Variants in RAB40A observed in about 807,000 individuals in gnomAD.
RAB40A encodes the protein RAB40A, member RAS oncogene family, also known as ras-related protein Rab-40A.
For missense variants in RAB40A, 145 were observed against 230.2 expected (o/e 0.63, Z 2.40); for synonymous variants, 65 against 99.9 (o/e 0.65, Z 2.08).
intron 2 of RAB40A, chrX:103,502,140 A>G (rs2073231577): frequency 8.1e-6 from 1 of 123,531 alleles, no homozygotes; most frequent in South Asian, 3.7e-4. Context: ...AAATCTTTTT[A>G]AAAAGGAAAA....
chrX:103,502,194 A>G (rs554673866), intron 2 of RAB40A: 24 of 122,925 alleles, frequency 2.0e-4, no homozygotes, highest in East Asian at 2.8e-4. Context: ...AACAAACGTG[A>G]ATAAAGGATA....
At chrX:103,503,220 G>A in intron 2 of RAB40A, 1 of 753,800 alleles carries the variant, frequency 1.3e-6, no homozygotes, top group Non-Finnish European at 1.6e-6. Context: ...GCCAGGGCAT[G>A]AAACACCAGG....
At chrX:103,513,146 G>C (rs1408592721) in intron 2 of RAB40A, among the ~76,000 whole-genome samples, 1 of 112,126 alleles carries the variant, frequency 8.9e-6, no homozygotes, top group African/African-American at 3.2e-5. Context: ...TCAACAGCCA[G>C]ATGACATTTC....
At position 103,500,451 on chromosome X, in the gene RAB40A, G is replaced by A; in HGVS notation, c.306C>T (p.Phe102=). The change falls in exon 3 of 3, where the codon TTC becomes TTT. Residue 102 remains phenylalanine, a synonymous_variant. Coordinates refer to ENST00000304236, the MANE Select transcript of RAB40A (RefSeq NM_080879.3). Reference sequence around the variant, plus strand: ...TCTTAATCCATCGATCCATACCCTCGAAAGACCAGCGGTTTGCAATGTCGT... The same window carrying A: ...TCTTAATCCATCGATCCATACCCTCAAAAGACCAGCGGTTTGCAATGTCGT... ...LVYDIANRWS[F]EGMDRWIKKI... 1.7e-6 allele frequency: 2 copies of A among 1,210,528 alleles called. No homozygotes were observed. Among genetic ancestry groups the A allele is most frequent in the Non-Finnish European group, 2.2e-6 (2 of 894,910 alleles).
At chrX:103,514,816 T>C (rs950800708) in intron 2 of RAB40A, among the ~76,000 whole-genome samples, 5 of 112,132 alleles carry the variant, frequency 4.5e-5, no homozygotes, top group African/African-American at 1.6e-4. Flanking sequence ...AATTTAGAAG[T>C]TGTGAAAAAT....
downstream of RAB40A, among the ~76,000 whole-genome samples, chrX:103,498,067 C>T (rs2073192084): frequency 8.9e-6 from 1 of 111,783 alleles, no homozygotes; most frequent in Admixed American, 9.5e-5. Flanking sequence ...TTCAGGATTC[C>T]AGTAAGGTGG....
At position 103,499,545 on chromosome X, in the gene RAB40A, AT is replaced by A; in HGVS notation, c.*377del. 3.9e-6 allele frequency: 1 copy of A among 254,968 alleles called. No individual in the cohort carries two copies. Among genetic ancestry groups the A allele is most frequent in the Non-Finnish European group, 7.1e-6 (1 of 141,105 alleles). The allele number at this position is 254,968 out of a possible 1,213,427, so 21.0% of individuals were successfully genotyped here. On this transcript the variant is annotated 3_prime_UTR_variant, in exon 3 of 3. Coordinates refer to ENST00000304236, the MANE Select transcript of RAB40A (RefSeq NM_080879.3). ...TTATCTCACTATCATTGCTTCTCAAATTTCCTTGAATTTATACTCATCATTG... is the reference window on the plus strand; with the variant it reads ...TTATCTCACTATCATTGCTTCTCAAATTCCTTGAATTTATACTCATCATTG...
intron 2 of RAB40A, among the ~76,000 whole-genome samples, chrX:103,505,985 A>AC (rs2073252717): frequency 8.9e-6 from 1 of 111,836 alleles, no homozygotes. Context: ...CTGCACTGTC[A>AC]CCTGTGTCAT....
chrX:103,509,289 A>ATCTCTC (rs373450734), intron 2 of RAB40A, among the ~76,000 whole-genome samples: 3 of 86,107 alleles, frequency 3.5e-5, no homozygotes, highest in South Asian at 6.2e-4. Flanking sequence ...CAGCCACAGG[A>ATCTCTC]TCTCTCTCTC....
rs377466263 is a variant in RAB40A at position 103,500,655 on chromosome X, C to T, written c.102G>A (p.Leu34=). Reference sequence around the variant, plus strand: ...ACGGGGACTCAGCTGCACCATCCTGCAGGCTCTCCAGGATCTCACTCTTGC... The same window carrying T: ...ACGGGGACTCAGCTGCACCATCCTGTAGGCTCTCCAGGATCTCACTCTTGC... The part of the protein sequence containing the change: ...DVGKSEILES[L]QDGAAESPYS... The change falls in exon 3 of 3, where the codon CTG becomes CTA. Residue 34 remains leucine (L), a synonymous_variant. Coordinates refer to ENST00000304236, the MANE Select transcript of RAB40A (RefSeq NM_080879.3). 278 of 1,208,286 alleles carry T rather than the reference C, an allele frequency of 2.3e-4. No homozygotes were observed. The highest frequency in any genetic ancestry group is 2.8e-4 in the Non-Finnish European group (254 of 894,698).
intron 2 of RAB40A, among the ~76,000 whole-genome samples, chrX:103,515,025 T>C (rs1489675881): frequency 8.9e-6 from 1 of 112,102 alleles, no homozygotes; most frequent in Non-Finnish European, 1.9e-5. Flanking sequence ...TATTAAATGA[T>C]TCCAAGTTCA....
At chrX:103,503,914 AATAGAAT>A (rs1301618048) in intron 2 of RAB40A, among the ~76,000 whole-genome samples, 1 of 111,990 alleles carries the variant, frequency 8.9e-6, no homozygotes, top group Non-Finnish European at 1.9e-5. Flanking sequence ...TTCACCATAA[AATAGAAT>A]ATAATGAATG....
intron 1 of RAB40A, 87 bp downstream of exon 1, chrX:103,519,283 A>C (rs2073330788): frequency 9.0e-6 from 1 of 111,686 alleles, no homozygotes; most frequent in Non-Finnish European, 1.9e-5. Context: ...GGTTTGCTGC[A>C]CCCATCAACC....
At position 103,502,371 on chromosome X, in the gene RAB40A, A is replaced by C. The variant is rs759024132; in HGVS notation, c.-70-1545T>G. ...CCTGATTGGAATAATGATCATAATC[A>C]TCGGTACCTTGAACAGCCGTTAGGA... On this transcript the variant is annotated intron_variant, in intron 2 of 2. Transcript: ENST00000304236. 2.4e-5 allele frequency: 3 copies of C among 123,609 alleles called. No individual in the cohort carries two copies. The South Asian group carries it at 1.1e-3, about 46-fold the overall frequency. 10.2% of individuals were successfully genotyped at this position (123,609 alleles called of 1,213,427 possible). A position where few individuals can be genotyped will look rare whatever the true frequency, so the allele number is the denominator to read the frequency against.
intron 2 of RAB40A, among the ~76,000 whole-genome samples, chrX:103,517,022 T>C (rs2073320310): frequency 9.0e-6 from 1 of 111,610 alleles, no homozygotes; most frequent in Admixed American, 9.5e-5. Flanking sequence ...TGACGTTATA[T>C]GCCAGGGTCT....
intron 2 of RAB40A, among the ~76,000 whole-genome samples, chrX:103,508,441 T>C (rs1270730365): frequency 8.9e-6 from 1 of 111,863 alleles, no homozygotes; most frequent in Non-Finnish European, 1.9e-5. Context: ...CTTACTGAGC[T>C]GTATGAGGGG....
chrX:103,495,806 A>G (rs1009913199), downstream of RAB40A, among the ~76,000 whole-genome samples: 2 of 111,750 alleles, frequency 1.8e-5, no homozygotes, highest in East Asian at 2.8e-4. Flanking sequence ...TTATGTAGGC[A>G]TATTTCTTTT....
At chrX:103,511,077 C>T (rs1444530576) in intron 2 of RAB40A, among the ~76,000 whole-genome samples, 1 of 111,979 alleles carries the variant, frequency 8.9e-6, no homozygotes, top group African/African-American at 3.3e-5. Flanking sequence ...CTTTGACATG[C>T]ACACGTATGT....
rs1312846073 is a variant in RAB40A, at chrX:103,500,794, G to A, written c.-38C>T. ...GCACTCCCGCCTGAGCCAGGCCCGC[G>A]GGGTTGTGCGCAGAGGTGGTGCCGG... On this transcript the variant is annotated 5_prime_UTR_variant, in exon 3 of 3. Transcript: ENST00000304236. 7 of 1,190,088 alleles carry A rather than the reference G, an allele frequency of 5.9e-6. No individual in the cohort carries two copies. Among genetic ancestry groups the A allele is most frequent in the South Asian group, 3.8e-5 (2 of 53,024 alleles).
Sources: gnomAD v4.1 joint callset for allele counts (sites outside exome capture counted in the v4.1 genomes callset) on GRCh38, gnomAD v4.1.1 for gene constraint, MANE v1.5 for transcripts, NCBI Gene and HGNC (gene_info 2026-07-23, HGNC 2026-07-21) for gene names.